The following NCALD variants were observed in gnomAD, a reference collection of about 807,000 sequenced individuals.
The protein encoded by NCALD is neurocalcin-delta.
A neutral mutation model predicts 18.6 loss-of-function variants in NCALD; 10 were observed. The ratio of observed to expected loss-of-function variants is 0.54; its 90% confidence interval spans 0.33 to 0.91. The LOEUF (loss-of-function observed/expected upper bound fraction) is 0.91, where lower values mean the gene tolerates loss of function less well. Ranked by LOEUF, NCALD falls within the 40% of genes least tolerant of loss-of-function variation. The pLI, the probability that NCALD is intolerant of heterozygous loss-of-function variation, is 0.03. For missense variants in NCALD, 184 were observed against 247.6 expected (o/e 0.74, Z 1.72); for synonymous variants, 88 against 87.4 (o/e 1.01, Z -0.04).
chr8:101,879,724 G>A (rs1816399824), intron 4 of NCALD, among the ~76,000 whole-genome samples: 1 of 152,166 alleles, frequency 6.6e-6, no homozygotes, highest in Non-Finnish European at 1.5e-5. Flanking sequence ...GCTGATTGGT[G>A]CATTTACAAT....
At chr8:102,103,223 C>G (rs1195005293) in intron 1 of NCALD, among the ~76,000 whole-genome samples, 2 of 115,920 alleles carry the variant, frequency 1.7e-5, no homozygotes, top group African/African-American at 6.9e-5. Flanking sequence ...ATTGCCACCT[C>G]TCTTCTCCCT....
At chr8:101,962,776 G>A (rs1039466585) in intron 2 of NCALD, among the ~76,000 whole-genome samples, 12 of 152,278 alleles carry the variant, frequency 7.9e-5, no homozygotes, top group African/African-American at 2.6e-4. Flanking sequence ...TGGAATAAAG[G>A]AGAATAGATT....
intron 1 of NCALD, among the ~76,000 whole-genome samples, chr8:101,782,294 A>G (rs16868429): frequency 0.047 from 7,187 of 152,140 alleles, 552 homozygotes; most frequent in African/African-American, 0.16. Flanking sequence ...AGCTAAAGTT[A>G]AAATGGCTAC....
intron 1 of NCALD, among the ~76,000 whole-genome samples, chr8:102,103,602 T>C (rs918188206): frequency 1.3e-5 from 2 of 152,124 alleles, no homozygotes; most frequent in African/African-American, 4.8e-5. Flanking sequence ...CCACTCAGCC[T>C]GGAGGGTGGT....
chr8:101,792,112 C>G (rs1407463003), upstream of NCALD, among the ~76,000 whole-genome samples: 1 of 152,138 alleles, frequency 6.6e-6, no homozygotes, highest in Non-Finnish European at 1.5e-5. Flanking sequence ...GGAGAAGAGA[C>G]TGCCCTCAAA....
At chr8:101,967,411 C>T (rs1473888154) in intron 2 of NCALD, among the ~76,000 whole-genome samples, 2 of 152,170 alleles carry the variant, frequency 1.3e-5, no homozygotes, top group Non-Finnish European at 2.9e-5. Context: ...ATCAATTCCT[C>T]TTTTGGTAAA....
intron 4 of NCALD, among the ~76,000 whole-genome samples, chr8:101,839,965 A>G (rs1814573785): frequency 6.6e-6 from 1 of 152,122 alleles, no homozygotes; most frequent in Admixed American, 6.5e-5. Flanking sequence ...GTGTCACCCC[A>G]GGCAGTGCTA....
rs78425476 is a variant in NCALD at position 101,735,430 on chromosome 8, C to T, written c.-19-15782G>A. On this transcript the variant is annotated intron_variant, in intron 1 of 3. Transcript: ENST00000220931. Reference sequence around the variant, plus strand: ...CTGAGATGGTGGCAGGAAGGTGCTACCAAAAGACAAATGTTCCACCATCCT... The same window carrying T: ...CTGAGATGGTGGCAGGAAGGTGCTATCAAAAGACAAATGTTCCACCATCCT... Among the ~76,000 whole-genome samples, 42 of 152,254 alleles carry T rather than the reference C, an allele frequency of 2.8e-4. No homozygotes were observed. The East Asian group carries it at 7.7e-3, about 28-fold the overall frequency.
At chr8:101,716,454 A>T (rs1816090446) in intron 2 of NCALD, among the ~76,000 whole-genome samples, 1 of 152,212 alleles carries the variant, frequency 6.6e-6, no homozygotes, top group Non-Finnish European at 1.5e-5. Flanking sequence ...TGTATTTCAG[A>T]ACTTCAAGTA....
At chr8:101,884,251 C>T (rs1816594640) in intron 4 of NCALD, among the ~76,000 whole-genome samples, 1 of 152,176 alleles carries the variant, frequency 6.6e-6, no homozygotes, top group African/African-American at 2.4e-5. Context: ...TTTATAGTCT[C>T]ATAGTTCCTT....
chr8:101,959,555 C>G (rs992648169), intron 2 of NCALD, among the ~76,000 whole-genome samples: 1 of 152,134 alleles, frequency 6.6e-6, no homozygotes, highest in Non-Finnish European at 1.5e-5. Context: ...AGATTCCTGT[C>G]TCATTCACTG....
At chr8:102,049,518 T>C (rs1823357860) in intron 1 of NCALD, among the ~76,000 whole-genome samples, 1 of 152,228 alleles carries the variant, frequency 6.6e-6, no homozygotes, top group Non-Finnish European at 1.5e-5. Flanking sequence ...GCAGGCTTTT[T>C]AATATGCTTC....
intron 1 of NCALD, among the ~76,000 whole-genome samples, chr8:102,056,472 A>G (rs1294428759): frequency 6.6e-6 from 1 of 152,256 alleles, no homozygotes; most frequent in East Asian, 1.9e-4. Flanking sequence ...AATAACTAAT[A>G]CATGCAGTCA....
intron 3 of NCALD, among the ~76,000 whole-genome samples, chr8:101,892,738 C>A (rs550964220): frequency 2.0e-5 from 3 of 150,136 alleles, no homozygotes; most frequent in Admixed American, 2.0e-4. Flanking sequence ...GGAGCTGATG[C>A]GATCAACTGG....
chr8:101,808,885 AAGAGAGAGAGGGAGAGAGACAG>A lies in NCALD; in HGVS notation c.-20+78234_-20+78255del, dbSNP rs907079953. Among the ~76,000 whole-genome samples the A allele has an allele frequency of 7.2e-5, 11 of 152,134 alleles. No individual in the cohort carries two copies. The South Asian group carries it at 1.7e-3, about 23-fold the overall frequency. On this transcript the variant is annotated intron_variant, in intron 4 of 6. Coordinates refer to the NCALD transcript ENST00000311028. ...TGCTTTTCTATGGACTTTTACATGA[AAGAGAGAGAGGGAGAGAGACAG>A]AGAGAGAGAGGGAGAGACATAAAGA...
intron 4 of NCALD, among the ~76,000 whole-genome samples, chr8:101,856,272 C>A (rs892606027): frequency 1.3e-5 from 2 of 152,104 alleles, no homozygotes; most frequent in South Asian, 4.1e-4. Context: ...CCCAGGCTCA[C>A]GTAAATTCTC....
chr8:101,768,401 A>G (rs1811439248), intron 1 of NCALD, among the ~76,000 whole-genome samples: 1 of 152,188 alleles, frequency 6.6e-6, no homozygotes, highest in Non-Finnish European at 1.5e-5. Flanking sequence ...GCGGCCAATG[A>G]GAAAACCAGT....
intron 2 of NCALD, among the ~76,000 whole-genome samples, chr8:101,985,057 G>A (rs1391381448): frequency 6.6e-6 from 1 of 152,146 alleles, no homozygotes; most frequent in Non-Finnish European, 1.5e-5. Flanking sequence ...TTAATCAAAG[G>A]GTGAAAATTT....
intron 1 of NCALD, among the ~76,000 whole-genome samples, chr8:101,790,452 T>A (rs1812404287): frequency 6.6e-6 from 1 of 152,222 alleles, no homozygotes. Context: ...CCAAACTATT[T>A]TAGGCTGATT....
Sources: gnomAD v4.1 joint callset for allele counts (sites outside exome capture counted in the v4.1 genomes callset) on GRCh38, gnomAD v4.1.1 for gene constraint, MANE v1.5 for transcripts, NCBI Gene and HGNC (gene_info 2026-07-23, HGNC 2026-07-21) for gene names.